The following COPB2 variants were observed in gnomAD, a reference collection of about 807,000 sequenced individuals.
COPB2 encodes the protein coatomer subunit beta'.
A neutral mutation model predicts 120.8 loss-of-function variants in COPB2; 16 were observed. The ratio of observed to expected loss-of-function variants is 0.13; its 90% CI spans 0.09 to 0.20. COPB2 has a LOEUF of 0.20. COPB2 is among the 10% of genes least tolerant of loss of function. COPB2 has a pLI of 1.00. For missense variants in COPB2, 794 were observed against 1,076.5 expected, an observed-to-expected ratio of 0.74 and a Z score of 3.67; for synonymous variants, 332 against 366.3, an observed-to-expected ratio of 0.91 and a Z score of 1.07.
At chr3:139,358,466 C>G in intron 20 of COPB2, 195 bp from the exon 21 acceptor site, 5 of 612,690 alleles carry the variant, frequency 8.2e-6, no homozygotes, top group Non-Finnish European at 2.9e-6. Flanking sequence ...ATCATGAGGT[C>G]AGGAGATCGA....
chr3:139,387,917 C>CT (rs1378094256), intron 1 of COPB2, among the ~76,000 whole-genome samples: 1 of 152,192 alleles, frequency 6.6e-6, no homozygotes, highest in Non-Finnish European at 1.5e-5. Context: ...ACATATAACT[C>CT]TATCTCCCAG....
At chr3:139,363,491 C>T (rs1941464517) in intron 15 of COPB2, among the ~76,000 whole-genome samples, 1 of 152,190 alleles carries the variant, frequency 6.6e-6, no homozygotes, top group African/African-American at 2.4e-5. Context: ...GAAAAATTGT[C>T]TATCTGCCAC....
intron 15 of COPB2, among the ~76,000 whole-genome samples, chr3:139,364,851 G>A (rs1370730563): frequency 6.6e-6 from 1 of 152,110 alleles, no homozygotes; most frequent in South Asian, 2.1e-4. Flanking sequence ...AAGGACATCA[G>A]ATACTTGAGG....
intron 12 of COPB2, 32 bp downstream of exon 12, chr3:139,369,229 A>G (rs1370308583): frequency 1.3e-6 from 2 of 1,565,348 alleles, no homozygotes; most frequent in Non-Finnish European, 1.7e-6. Context: ...AAAAATAAAT[A>G]TTCCAAAAAC....
chr3:139,377,617 G>C (rs1050101428), intron 5 of COPB2, among the ~76,000 whole-genome samples: 1 of 152,202 alleles, frequency 6.6e-6, no homozygotes, highest in Non-Finnish European at 1.5e-5. Flanking sequence ...GTTTCAGAAA[G>C]ATAACAGACA....
chr3:139,377,528 T>G (rs1274194097), intron 5 of COPB2, among the ~76,000 whole-genome samples: 2 of 152,226 alleles, frequency 1.3e-5, no homozygotes, highest in Non-Finnish European at 2.9e-5. Flanking sequence ...AGATGTCGCA[T>G]AATATTAGCC....
Position 139,357,934 on chromosome 3 carries a change from A to C in COPB2, c.2650T>G (p.Leu884Val), listed in dbSNP as rs1253860515. 1 of 1,595,754 alleles carries C rather than the reference A, an allele frequency of 6.3e-7. No individual in the cohort carries two copies. Among genetic ancestry groups the C allele is most frequent in the Non-Finnish European group, 8.6e-7 (1 of 1,166,126 alleles). ...EKSLLELEVD[L>V]DNLELEDIDT... ...ATATCTTCTAATTCCAAATTATCCA[A>C]ATCTACTTCTAGTTCGAGTAAACTC... is the stretch of plus-strand genomic sequence containing the variant. Residue 884 changes from leucine (L) to valine (V), a missense_variant, in exon 22 of 22, where the codon TTG (leucine) becomes GTG (valine). This residue lies in a region of COPB2 where 178 missense variants were observed against 183.2 expected (regional missense o/e 0.97). Coordinates refer to ENST00000333188, the MANE Select transcript of COPB2 (RefSeq NM_004766.3).
intron 10 of COPB2, among the ~76,000 whole-genome samples, chr3:139,369,973 A>T (rs960525371): frequency 6.6e-6 from 1 of 152,250 alleles, no homozygotes; most frequent in Non-Finnish European, 1.5e-5. Context: ...GTATGATTCC[A>T]TTTATATGAA....
At chr3:139,384,165 T>C (rs1419691132) in intron 1 of COPB2, among the ~76,000 whole-genome samples, 1 of 152,240 alleles carries the variant, frequency 6.6e-6, no homozygotes, top group Non-Finnish European at 1.5e-5. Context: ...ATAAGCTGTT[T>C]ATACTTCGTT....
intron 13 of COPB2, 122 bp downstream of exon 13, chr3:139,368,023 C>T: frequency 1.0e-6 from 1 of 989,282 alleles, no homozygotes. Flanking sequence ...CACCAGAAAT[C>T]CTTAAATGCT....
chr3:139,368,319 T>C, intron 12 of COPB2, 31 bp from the exon 13 acceptor site: 1 of 1,593,576 alleles, frequency 6.3e-7, no homozygotes, highest in Non-Finnish European at 8.5e-7. Flanking sequence ...AGACAACTGA[T>C]TTGGATTTCT....
rs1321331807 is a variant in COPB2, at chr3:139,383,151, T to C, written c.141+147A>G. 4 of 878,432 alleles carry C rather than the reference T, an allele frequency of 4.6e-6. No individual in the cohort carries two copies. In the African/African-American group the frequency reaches 6.6e-5, roughly 15 times the overall value. 54.4% of individuals were successfully genotyped at this position (878,432 alleles called of 1,614,324 possible). On this transcript the variant is annotated intron_variant, in intron 2 of 21. Coordinates refer to ENST00000333188, the MANE Select transcript of COPB2 (RefSeq NM_004766.3). ...CAAACTATCCCCTCATAAATGTTAG[T>C]TCCTTCATATTTAAAATACTTTGTA...
At position 139,366,553 on chromosome 3, in the gene COPB2, AACAAAACCTCTT is replaced by A. The variant is rs750625090; in HGVS notation, c.1884+3_1884+14del. On this transcript the variant is annotated splice_donor_5th_base_variant and intron_variant, in intron 15 of 21. Coordinates refer to ENST00000333188, the MANE Select transcript of COPB2 (RefSeq NM_004766.3). ...AAGTTTTAAAAAACAAAAAGAAAAAAACAAAACCTCTTACCTGCTTTTCCAAAAAGTGTGCAA... is the reference window on the plus strand; with the variant it reads ...AAGTTTTAAAAAACAAAAAGAAAAAAACCTGCTTTTCCAAAAAGTGTGCAA... 13 of 1,572,522 alleles carry A rather than the reference AACAAAACCTCTT, an allele frequency of 8.3e-6. No homozygotes were observed. The highest frequency in any genetic ancestry group is 1.0e-5 in the Non-Finnish European group (12 of 1,160,336).
chr3:139,386,420 A>G (rs1218611561), intron 1 of COPB2, among the ~76,000 whole-genome samples: 1 of 151,892 alleles, frequency 6.6e-6, no homozygotes, highest in Non-Finnish European at 1.5e-5. Context: ...ATGTCCAGCT[A>G]ATTTTTGTAT....
At chr3:139,359,233 A>G (rs1941363184) in intron 18 of COPB2, 37 bp downstream of exon 18, 3 of 1,612,232 alleles carry the variant, frequency 1.9e-6, no homozygotes, top group East Asian at 2.2e-5. Context: ...CTCTCTTTTT[A>G]TTGGAAACAT....
chr3:139,371,833 C>A lies in COPB2; in HGVS notation c.1095G>T (p.Arg365=), dbSNP rs756115791. The change falls in exon 10 of 22, where the codon CGG becomes CGT. Residue 365 remains arginine (R), a splice_region_variant and synonymous_variant. Transcript: ENST00000333188. ...PQTIQHNPNG[R]FVVVCGDGEY... ...CCCCATCACCACACACCACCACAAACCTAGAAATCACAGAAGCCAGGGAGG... is the reference window on the plus strand; with the variant it reads ...CCCCATCACCACACACCACCACAAAACTAGAAATCACAGAAGCCAGGGAGG... 2 of 1,613,460 alleles carry A rather than the reference C, an allele frequency of 1.2e-6. No individual in the cohort carries two copies. Among genetic ancestry groups the A allele is most frequent in the Non-Finnish European group, 1.7e-6 (2 of 1,179,548 alleles).
At position 139,383,429 on chromosome 3, in the gene COPB2, G is replaced by T. The variant is rs867802912; in HGVS notation, c.10C>A (p.Arg4=). The change falls in exon 2 of 22, where the codon CGA becomes AGA. Residue 4 remains arginine (R), a synonymous_variant. Transcript: ENST00000333188. Reference sequence around the variant, plus strand: ...GTTAGCTTTCTTTTGATATCAAGTCGCAGAGGCTAAAAAGAAACATTAAAA... The same window carrying T: ...GTTAGCTTTCTTTTGATATCAAGTCTCAGAGGCTAAAAAGAAACATTAAAA... MPL[R]LDIKRKLTAR... 6.4e-7 allele frequency: 1 copy of T among 1,556,698 alleles called. No individual in the cohort carries two copies. The highest frequency in any genetic ancestry group is 1.2e-5 in the South Asian group (1 of 80,944).
Position 139,372,922 on chromosome 3 carries a change from G to A in COPB2, c.1094+291C>T, listed in dbSNP as rs186815378. Among the ~76,000 whole-genome samples the A allele has an allele frequency of 2.4e-3, 359 of 152,292 alleles. 1 individual carries two copies. Among genetic ancestry groups the A allele is most frequent in the African/African-American group, 6.7e-3 (278 of 41,554 alleles). On this transcript the variant is annotated intron_variant, in intron 9 of 21. Coordinates refer to ENST00000333188, the MANE Select transcript of COPB2 (RefSeq NM_004766.3). ...TAAGACATACTCCTTGCCCTCAAAG[G>A]AGCACACAAAAACACAAACTCAATG...
chr3:139,360,956 T>C (rs1941408323), intron 17 of COPB2, 125 bp downstream of exon 17: 2 of 1,026,174 alleles, frequency 1.9e-6, no homozygotes, highest in South Asian at 1.5e-5. Flanking sequence ...TGTCCTGTTC[T>C]GACTGCCCCG....
Sources: allele counts gnomAD v4.1 joint callset (sites outside exome capture counted in the v4.1 genomes callset), GRCh38; gene constraint gnomAD v4.1.1; regional missense constraint gnomAD v4.1.1; transcripts MANE v1.5; gene names NCBI Gene and HGNC (gene_info 2026-07-23, HGNC 2026-07-21).